Variants in TMEM232 observed in about 807,000 individuals in gnomAD.
The protein encoded by TMEM232 is transmembrane protein 232.
TMEM232 carries 80 observed loss-of-function variants against 78.8 expected under a neutral mutation model. That is an observed-to-expected ratio of 1.01 (90% CI 0.85 to 1.22). TMEM232 has a LOEUF of 1.22. Among genes scored for constraint, TMEM232 ranks in the 50% most tolerant of loss-of-function variants. The pLI is 0.00. For missense variants in TMEM232, 881 were observed against 742.2 expected (o/e 1.19, Z -2.17); for synonymous variants, 297 against 254.3 (o/e 1.17, Z -1.60).
At chr5:110,556,615 G>A (rs774259464) in intron 11 of TMEM232, among the ~76,000 whole-genome samples, 5 of 152,042 alleles carry the variant, frequency 3.3e-5, no homozygotes, top group African/African-American at 4.8e-5. Context: ...TCTTGAACTC[G>A]AGCTCCGGTG....
intron 4 of TMEM232, 93 bp downstream of exon 4, chr5:110,640,798 G>A: frequency 1.2e-6 from 1 of 845,100 alleles, no homozygotes; most frequent in Non-Finnish European, 1.7e-6. Flanking sequence ...CTTGTCTTCT[G>A]CACAATTTTT....
chr5:110,634,965 G>C (rs1295530171), intron 5 of TMEM232, among the ~76,000 whole-genome samples: 3 of 151,634 alleles, frequency 2.0e-5, no homozygotes, highest in Non-Finnish European at 4.4e-5. Flanking sequence ...GGAAAGAAGA[G>C]ATAAGGCCAC....
At chr5:110,479,958 A>T (rs1763684643) in intron 12 of TMEM232, among the ~76,000 whole-genome samples, 1 of 148,730 alleles carries the variant, frequency 6.7e-6, no homozygotes, top group Non-Finnish European at 1.5e-5. Context: ...AGAGAAAAAA[A>T]TACATAATTT....
At chr5:110,510,522 G>T (rs10043363) in intron 12 of TMEM232, among the ~76,000 whole-genome samples, 257 of 152,134 alleles carry the variant, frequency 1.7e-3, no homozygotes, top group African/African-American at 5.9e-3. Context: ...TCTAGTGCAG[G>T]CTATATTGAA....
intron 10 of TMEM232, among the ~76,000 whole-genome samples, chr5:110,573,631 A>G (rs1581258593): frequency 6.6e-6 from 1 of 152,094 alleles, no homozygotes; most frequent in South Asian, 2.1e-4. Flanking sequence ...GTTTATTATG[A>G]ATGTTATGAG....
intron 2 of TMEM232, among the ~76,000 whole-genome samples, chr5:110,398,273 G>T (rs1016527017): frequency 2.6e-5 from 4 of 152,114 alleles, no homozygotes; most frequent in Non-Finnish European, 4.4e-5. Context: ...AGTCAGAATT[G>T]TCACTAATGT....
At chr5:110,586,682 C>T (rs1411128294) in intron 10 of TMEM232, among the ~76,000 whole-genome samples, 1 of 151,886 alleles carries the variant, frequency 6.6e-6, no homozygotes, top group Non-Finnish European at 1.5e-5. Flanking sequence ...AAGCCCAGAG[C>T]TGCTTAGCAA....
intron 11 of TMEM232, among the ~76,000 whole-genome samples, chr5:110,563,607 A>AT (rs1252547420): frequency 1.3e-5 from 2 of 151,952 alleles, no homozygotes; most frequent in African/African-American, 2.4e-5. Flanking sequence ...TTAGGCTGTA[A>AT]TTTTTTTAAG....
At chr5:110,491,955 A>G (rs1280799966) in intron 12 of TMEM232, among the ~76,000 whole-genome samples, 1 of 151,952 alleles carries the variant, frequency 6.6e-6, no homozygotes, top group Non-Finnish European at 1.5e-5. Flanking sequence ...AAATAGACAA[A>G]TTACTTAAAA....
At chr5:110,617,332 G>A (rs1280592150) in intron 8 of TMEM232, among the ~76,000 whole-genome samples, 1 of 152,006 alleles carries the variant, frequency 6.6e-6, no homozygotes, top group Non-Finnish European at 1.5e-5. Context: ...AGTTAGACAG[G>A]AGGAATGAGT....
At chr5:110,545,553 A>G (rs1773665966) in intron 11 of TMEM232, among the ~76,000 whole-genome samples, 1 of 152,052 alleles carries the variant, frequency 6.6e-6, no homozygotes, top group African/African-American at 2.4e-5. Flanking sequence ...AACTATTGCT[A>G]TTTATGTCAA....
At position 110,401,376 on chromosome 5, in the gene TMEM232, T is replaced by G. The variant is rs541659217; in HGVS notation, n.309-3522A>C. 5.3e-5 allele frequency among the ~76,000 whole-genome samples: 8 copies of G among 151,942 alleles called. No individual in the cohort carries two copies. In the South Asian group the frequency reaches 1.7e-3, roughly 32 times the overall value. On this transcript the variant is annotated intron_variant and non_coding_transcript_variant, in intron 2 of 8. Coordinates refer to the TMEM232 transcript ENST00000507188. The stretch of plus-strand genomic sequence containing the variant: ...ATTTTCTTTAGTCCGTTTCTACATA[T>G]AAGAGGTGACTGGAACAACATATCA...
chr5:110,653,435 G>A (rs1788607138), intron 2 of TMEM232, among the ~76,000 whole-genome samples: 1 of 152,086 alleles, frequency 6.6e-6, no homozygotes, highest in Non-Finnish European at 1.5e-5. Context: ...ACTCTTTTTG[G>A]TGAGATTCAG....
intron 1 of TMEM232, among the ~76,000 whole-genome samples, chr5:110,672,757 T>C (rs1347393030): frequency 6.6e-6 from 1 of 152,076 alleles, no homozygotes; most frequent in Non-Finnish European, 1.5e-5. Context: ...CTAAAGATAT[T>C]ATTCATCAAA....
In TMEM232 at chr5:110,625,335, G is replaced by T. The variant is rs61730861; in HGVS notation, c.700C>A (p.Leu234Ile). 5.8e-6 allele frequency: 9 copies of T among 1,547,374 alleles called. No individual in the cohort carries two copies. The highest frequency in any genetic ancestry group is 7.0e-6 in the Non-Finnish European group (8 of 1,144,606). Residue 234 changes from leucine (L) to isoleucine (I), a missense_variant, in exon 7 of 14, where the codon CTC becomes ATC. Transcript: ENST00000455884. ...GGTCTAAAAATGGATTCAGAACGGAGTTCTCTTTTACCTATAATTTCCGAG... is the reference window on the plus strand; with the variant it reads ...GGTCTAAAAATGGATTCAGAACGGATTTCTCTTTTACCTATAATTTCCGAG... ...KASEIIGKRE[L>I]RSESIFRPVE...
intron 12 of TMEM232, among the ~76,000 whole-genome samples, chr5:110,510,916 C>G (rs373240435): frequency 1.1e-4 from 16 of 152,076 alleles, no homozygotes; most frequent in Non-Finnish European, 2.1e-4. Context: ...ATCAGAAATA[C>G]CATTTGACCC....
chr5:110,570,426 TG>T (rs1388603820), intron 10 of TMEM232, among the ~76,000 whole-genome samples: 4 of 151,942 alleles, frequency 2.6e-5, no homozygotes, highest in African/African-American at 9.7e-5. Context: ...TTGGCAAGTC[TG>T]GGACATGAGA....
In TMEM232 at chr5:110,528,758, G is replaced by A. The variant is rs959180438; in HGVS notation, c.1533C>T (p.Phe511=). ...NISSNVGEEV[F]SKYIGWRIAN... ...CAATTCTCCACCCAATATATTTGGA[G>A]AAAACTTCTTCTCCTACATTTGATG... is the stretch of plus-strand genomic sequence containing the variant. Residue 511 remains phenylalanine (F), a synonymous_variant, in exon 12 of 14, where the codon TTC becomes TTT. Transcript: ENST00000455884. 6.5e-7 allele frequency: 1 copy of A among 1,534,054 alleles called. No individual in the cohort carries two copies. Among genetic ancestry groups the A allele is most frequent in the African/African-American group, 1.4e-5 (1 of 73,066 alleles).
intron 11 of TMEM232, among the ~76,000 whole-genome samples, chr5:110,546,039 T>A (rs539065309): frequency 1.6e-4 from 25 of 152,272 alleles, no homozygotes; most frequent in African/African-American, 4.8e-4. Context: ...CAGTTGGGTT[T>A]ATATTGAATT....
Sources: gnomAD v4.1 joint callset for allele counts (sites outside exome capture counted in the v4.1 genomes callset) on GRCh38, gnomAD v4.1.1 for gene constraint, MANE v1.5 for transcripts, NCBI Gene and HGNC (gene_info 2026-07-23, HGNC 2026-07-21) for gene names.